The following TRIM37 variants were observed in gnomAD, a reference collection of about 807,000 sequenced individuals.
TRIM37 encodes tripartite motif containing 37.
A neutral mutation model predicts 129.8 loss-of-function variants in TRIM37; 80 were observed. The ratio of observed to expected loss-of-function variants is 0.62; its 90% CI spans 0.51 to 0.74. The LOEUF is 0.74. TRIM37 is among the 30% of genes least tolerant of loss of function. TRIM37 has a pLI of 0.00. For synonymous variants in TRIM37, 389 were observed against 387.1 expected (o/e 1.00, Z -0.06); for missense variants, 1,054 against 1,176.5 (o/e 0.90, Z 1.52).
chr17:59,050,599 C>T (rs1364493618), intron 14 of TRIM37, among the ~76,000 whole-genome samples: 2 of 151,868 alleles, frequency 1.3e-5, no homozygotes, highest in African/African-American at 4.8e-5. Flanking sequence ...GGAAGATCAC[C>T]CGAGCTTGGG....
At chr17:58,980,355 A>C (rs937435070), downstream of TRIM37, 2 of 1,614,180 alleles carry the variant, frequency 1.2e-6, no homozygotes, top group Non-Finnish European at 1.7e-6. The surrounding 1 kb of genome is among the most constrained non-coding windows in gnomAD (Gnocchi z 4.7). Flanking sequence ...CCTTGGCCTC[A>C]GCACCAGTGC....
chr17:59,097,339 A>G (rs1327118717), intron 2 of TRIM37, among the ~76,000 whole-genome samples: 2 of 152,178 alleles, frequency 1.3e-5, no homozygotes, highest in African/African-American at 4.8e-5. Context: ...TTAAAAAAGA[A>G]GTGAAATTAT....
chr17:58,975,553 G>A, the TRIM37 span, among the ~76,000 whole-genome samples: 12 of 152,096 alleles, frequency 7.9e-5, no homozygotes, highest in African/African-American at 2.9e-4. Flanking sequence ...TGAATGTGGA[G>A]GATAATGTGC....
At chr17:59,049,130 G>GT (rs368407781) in intron 15 of TRIM37, 48 bp downstream of exon 15, 1,691 of 1,455,700 alleles carry the variant, frequency 1.2e-3, no homozygotes, top group Non-Finnish European at 1.4e-3. Context: ...TGATGCTACT[G>GT]TTTTTTTTTA....
the TRIM37 span, among the ~76,000 whole-genome samples, chr17:58,968,496 C>T: frequency 6.6e-6 from 1 of 152,164 alleles, no homozygotes; most frequent in Non-Finnish European, 1.5e-5. Context: ...CCTTCCAAAT[C>T]CCCATGAGAC....
rs112119985 is a variant in TRIM37 at position 59,017,459 on chromosome 17, T to C, written c.2258-35A>G. The C allele has an allele frequency of 3.2e-5, 52 of 1,613,490 alleles. 1 individual carries two copies. In the African/African-American group the frequency reaches 3.9e-4, roughly 12 times the overall value. ...CATTTAAGAACACCTCTGAATAGGC[T>C]ACTACAGCACAAAACTCACTATTTA... On this transcript the variant is annotated intron_variant, in intron 19 of 23. Coordinates refer to ENST00000262294, the MANE Select transcript of TRIM37 (RefSeq NM_015294.6).
chr17:59,104,412 T>C lies in TRIM37; in HGVS notation c.22-18A>G, dbSNP rs781702544. On this transcript the variant is annotated intron_variant, in intron 1 of 23. Coordinates refer to ENST00000262294, the MANE Select transcript of TRIM37 (RefSeq NM_015294.6). ...GCAATGCTCTGAAAACAGTAAAAGA[T>C]GTAAGGTCCACCAGTTTAGGCTACT... 3 of 1,609,028 alleles carry C rather than the reference T, an allele frequency of 1.9e-6. No homozygotes were observed. Among genetic ancestry groups the C allele is most frequent in the Non-Finnish European group, 2.6e-6 (3 of 1,175,380 alleles).
intron 24 of TRIM37, among the ~76,000 whole-genome samples, chr17:58,988,428 G>A (rs140906977): frequency 1.3e-5 from 2 of 152,188 alleles, no homozygotes; most frequent in East Asian, 1.9e-4. Flanking sequence ...TACTGTTGCC[G>A]TCTGGACACT....
intron 2 of TRIM37, among the ~76,000 whole-genome samples, chr17:59,095,731 TG>T (rs762105052): frequency 6.6e-5 from 10 of 152,176 alleles, no homozygotes; most frequent in Non-Finnish European, 1.3e-4. Context: ...GGGTTGTTTT[TG>T]TTTTTGAGAC....
intron 1 of TRIM37, among the ~76,000 whole-genome samples, chr17:59,106,121 G>C (rs1235782923): frequency 1.3e-5 from 2 of 152,158 alleles, no homozygotes; most frequent in African/African-American, 4.8e-5. Context: ...CGAGTGGCAG[G>C]GTACATCCAT....
At chr17:58,973,578 G>T in the TRIM37 span, among the ~76,000 whole-genome samples, 1 of 151,996 alleles carries the variant, frequency 6.6e-6, no homozygotes, top group Non-Finnish European at 1.5e-5. Context: ...ACTTTGGGAG[G>T]CTGAAGAGGG....
At chr17:59,026,819 A>C (rs1452392297) in intron 19 of TRIM37, among the ~76,000 whole-genome samples, 1 of 152,196 alleles carries the variant, frequency 6.6e-6, no homozygotes, top group Non-Finnish European at 1.5e-5. Flanking sequence ...TCTTGCCTTG[A>C]CACTTCTCAG....
At chr17:58,971,352 A>G in the TRIM37 span, among the ~76,000 whole-genome samples, 1 of 152,078 alleles carries the variant, frequency 6.6e-6, no homozygotes, top group African/African-American at 2.4e-5. Flanking sequence ...CCCCTGACGC[A>G]TTGGTTCTAA....
intron 5 of TRIM37, among the ~76,000 whole-genome samples, chr17:59,083,351 T>G (rs555224574): frequency 4.8e-4 from 73 of 150,842 alleles, no homozygotes; most frequent in African/African-American, 1.8e-3. Flanking sequence ...GGCAGGAGAA[T>G]CACTTGAACC....
intron 4 of TRIM37, among the ~76,000 whole-genome samples, chr17:59,084,774 AGAG>A (rs2043605856): frequency 2.6e-5 from 4 of 152,242 alleles, no homozygotes; most frequent in Admixed American, 1.3e-4. Flanking sequence ...TCCTCTATAA[AGAG>A]GAGGAGACAC....
chr17:59,058,751 C>T (rs924807297), intron 12 of TRIM37, among the ~76,000 whole-genome samples: 8 of 152,058 alleles, frequency 5.3e-5, no homozygotes, highest in Non-Finnish European at 2.9e-5. Context: ...GTAGTCCCAG[C>T]TACTTGGGAG....
intron 19 of TRIM37, among the ~76,000 whole-genome samples, chr17:59,024,764 A>T (rs919073668): frequency 2.0e-5 from 3 of 152,236 alleles, no homozygotes; most frequent in Non-Finnish European, 4.4e-5. Flanking sequence ...TCAAGAAGCC[A>T]TCCTCCCTCA....
Position 58,999,074 on chromosome 17 carries a change from A to G in TRIM37, c.*303T>C. On this transcript the variant is annotated 3_prime_UTR_variant, in exon 24 of 24. Coordinates refer to ENST00000262294, the MANE Select transcript of TRIM37 (RefSeq NM_015294.6). Reference sequence around the variant, plus strand: ...GAGGTACATTTTCTGGCAGTTAACCAGCCTTCTGCTGTAGTAGACAAACTG... The same window carrying G: ...GAGGTACATTTTCTGGCAGTTAACCGGCCTTCTGCTGTAGTAGACAAACTG... The G allele has an allele frequency of 8.4e-7, 1 of 1,191,850 alleles. No homozygotes were observed. The allele number at this position is 1,191,850 out of a possible 1,614,324, so 73.8% of individuals were successfully genotyped here. A position where few individuals can be genotyped will look rare whatever the true frequency, so the allele number is the denominator to read the frequency against.
At chr17:59,042,437 AAAAAAAAAAAAAATATAT>A (rs1475494035) in intron 16 of TRIM37, among the ~76,000 whole-genome samples, 2 of 74,292 alleles carry the variant, frequency 2.7e-5, no homozygotes, top group Non-Finnish European at 4.9e-5. Context: ...AATTTAAAAA[AAAAAAAAAAAAAATATAT>A]ATATATATAT....
Sources: allele counts gnomAD v4.1 joint callset (sites outside exome capture counted in the v4.1 genomes callset), GRCh38; gene constraint gnomAD v4.1.1; non-coding constraint Gnocchi (gnomAD v3.1); transcripts MANE v1.5; gene names NCBI Gene and HGNC (gene_info 2026-07-23, HGNC 2026-07-21).